The following CA13 variants were observed in gnomAD, a reference collection of about 807,000 sequenced individuals.
CA13 encodes the protein CA-XIII.
In CA13, 21 loss-of-function variants were observed where a neutral mutation model predicts 31.5. The observed-to-expected ratio is 0.67, with a 90% CI of 0.47 to 0.96. The LOEUF (loss-of-function observed/expected upper bound fraction) is 0.96, where lower values mean the gene tolerates loss of function less well. Ranked by LOEUF, CA13 falls within the 40% of genes least tolerant of loss-of-function variation. The probability of loss-of-function intolerance (pLI) is 0.00; values close to 1 mark genes in which losing one functional copy is unlikely to be tolerated. For synonymous variants in CA13, 117 were observed against 111.4 expected (o/e 1.05, Z -0.32); for missense variants, 315 against 318.9 (o/e 0.99, Z 0.09).
rs757217485 is a variant in CA13, at chr8:85,259,479, G to A, written c.294G>A (p.Trp98Ter). Residue 98 changes from tryptophan to a stop codon, truncating the protein, a stop_gained, in exon 3 of 7, where the codon TGG becomes TGA. Transcript: ENST00000321764. LOFTEE classifies it high-confidence loss of function. ...GGTTACGGCAGGTTCACCTTCACTG[G>A]GGGTCCGCTGATGACCACGGCTCCG... ...SYRLRQVHLH[W>*]GSADDHGSEH... The A allele has an allele frequency of 4.3e-6, 7 of 1,613,908 alleles. No homozygotes were observed. Among genetic ancestry groups the A allele is most frequent in the Non-Finnish European group, 2.5e-6 (3 of 1,179,984 alleles).
chr8:85,255,263 ATT>A (rs111718621), intron 2 of CA13, among the ~76,000 whole-genome samples: 29 of 139,728 alleles, frequency 2.1e-4, no homozygotes, highest in Admixed American at 2.9e-4. Flanking sequence ...TAGCTCATGA[ATT>A]TTTTTTTTTT....
chr8:85,269,764 G>T (rs1807503205), intron 6 of CA13, among the ~76,000 whole-genome samples: 1 of 152,168 alleles, frequency 6.6e-6, no homozygotes, highest in East Asian at 1.9e-4. Context: ...TGTGGAGTCG[G>T]TGCAACCATA....
At chr8:85,274,029 C>T (rs1057197412) in intron 6 of CA13, among the ~76,000 whole-genome samples, 2 of 151,948 alleles carry the variant, frequency 1.3e-5, no homozygotes, top group African/African-American at 4.8e-5. Flanking sequence ...GTCTTCCGGC[C>T]AGCTCTCTTC....
rs1266743190 is a variant in CA13, at chr8:85,260,130, CAAT to C, written c.354+594_354+596del. 2.0e-5 allele frequency among the ~76,000 whole-genome samples: 3 copies of C among 151,936 alleles called. No individual in the cohort carries two copies. In the East Asian group the frequency reaches 5.8e-4, roughly 29 times the overall value. ...TTCAGTTTATTGGTAAATCATAACA[CAAT>C]AAAGCATTCATTGAGTTGTTTCTAC... On this transcript the variant is annotated intron_variant, in intron 3 of 6. Coordinates refer to ENST00000321764, the MANE Select transcript of CA13 (RefSeq NM_198584.3).
chr8:85,259,378 A>G (rs1395496623), intron 2 of CA13, 43 bp from the exon 3 acceptor site: 8 of 1,510,534 alleles, frequency 5.3e-6, no homozygotes, highest in Non-Finnish European at 6.4e-6. Flanking sequence ...GCTTATGTAA[A>G]TATTTTTTCC....
intron 6 of CA13, among the ~76,000 whole-genome samples, chr8:85,277,657 G>A (rs1478837724): frequency 6.6e-6 from 1 of 152,158 alleles, no homozygotes; most frequent in African/African-American, 2.4e-5. Context: ...CTGAGAGCGC[G>A]CCAACAGCAC....
intron 6 of CA13, among the ~76,000 whole-genome samples, chr8:85,271,929 C>T (rs1341988033): frequency 3.3e-5 from 5 of 152,008 alleles, no homozygotes; most frequent in African/African-American, 4.8e-5. Context: ...ATTAGCCACG[C>T]ATGGTGGTGC....
intron 4 of CA13, among the ~76,000 whole-genome samples, chr8:85,266,995 C>A (rs1035742515): frequency 6.6e-6 from 1 of 152,178 alleles, no homozygotes. Flanking sequence ...CTGGGCTCTT[C>A]CTAATTGTAT....
intron 2 of CA13, among the ~76,000 whole-genome samples, chr8:85,257,651 G>A (rs1807318804): frequency 6.6e-6 from 1 of 151,358 alleles, no homozygotes; most frequent in African/African-American, 2.4e-5. Context: ...GATTAATTGA[G>A]GCTGCAAGTT....
intron 6 of CA13, among the ~76,000 whole-genome samples, chr8:85,272,545 T>C (rs1193170467): frequency 3.9e-5 from 6 of 152,172 alleles, no homozygotes; most frequent in African/African-American, 1.4e-4. Flanking sequence ...TAGTGACCCA[T>C]GGTACCTGAC....
chr8:85,278,341 C>T (rs563942191), intron 6 of CA13, among the ~76,000 whole-genome samples: 1 of 150,604 alleles, frequency 6.6e-6, no homozygotes, highest in South Asian at 2.1e-4. Context: ...GGGGTAGGGT[C>T]CAGGGATCTG....
At chr8:85,271,454 A>G (rs907664513) in intron 6 of CA13, among the ~76,000 whole-genome samples, 4 of 152,120 alleles carry the variant, frequency 2.6e-5, no homozygotes, top group Non-Finnish European at 5.9e-5. Flanking sequence ...AGAGTCACTC[A>G]TTGAGGACTA....
At chr8:85,268,797 C>G (rs1247423622) in intron 6 of CA13, among the ~76,000 whole-genome samples, 170 bp downstream of exon 6, 3 of 151,572 alleles carry the variant, frequency 2.0e-5, no homozygotes, top group African/African-American at 7.3e-5. Flanking sequence ...TCGTATTTGA[C>G]CTGTGATTAG....
intron 1 of CA13, among the ~76,000 whole-genome samples, chr8:85,247,200 C>T (rs1396263174): frequency 1.3e-5 from 2 of 152,102 alleles, no homozygotes; most frequent in African/African-American, 4.8e-5. Flanking sequence ...TCCCTCTCTG[C>T]TGAAGTCGTT....
chr8:85,276,017 G>A (rs1331063104), intron 6 of CA13, among the ~76,000 whole-genome samples: 1 of 152,216 alleles, frequency 6.6e-6, no homozygotes, highest in African/African-American at 2.4e-5. Context: ...TTTCTGGGCT[G>A]GCCAAGGCCG....
intron 6 of CA13, among the ~76,000 whole-genome samples, chr8:85,278,463 G>GAT: frequency 6.6e-6 from 1 of 152,082 alleles, no homozygotes; most frequent in Non-Finnish European, 1.5e-5. Context: ...CATCTAGGAA[G>GAT]GTTAGTTAGA....
At chr8:85,280,429 G>A (rs1182317184) in intron 6 of CA13, among the ~76,000 whole-genome samples, 1 of 152,152 alleles carries the variant, frequency 6.6e-6, no homozygotes, top group Admixed American at 6.5e-5. Context: ...CCCCGTCCTG[G>A]TTAGTACTGT....
chr8:85,250,826 GACTCT>G lies in CA13; in HGVS notation c.125_129del (p.Asp42ValfsTer6), dbSNP rs1401307218. The G allele has an allele frequency of 6.2e-7, 1 of 1,613,808 alleles. No homozygotes were observed. The highest frequency in any genetic ancestry group is 8.5e-7 in the Non-Finnish European group (1 of 1,179,800). On this transcript the variant is annotated frameshift_variant, in exon 2 of 7. Transcript: ENST00000321764. LOFTEE classifies it high-confidence loss of function. The stretch of plus-strand genomic sequence containing the variant: ...GATTAAAACCAAAGAAGTGAAATAT[GACTCT>G]TCCCTCCGACCACTTAGTATCAAGT...
In CA13 at chr8:85,245,803, T is replaced by G. The variant is rs770744227; in HGVS notation, c.-26T>G. On this transcript the variant is annotated 5_prime_UTR_variant, in exon 1 of 7. Coordinates refer to ENST00000321764, the MANE Select transcript of CA13 (RefSeq NM_198584.3). Reference sequence around the variant, plus strand: ...TCTTTCTCGCTGCTCAGTCACATCTTTCTCTTCCTTCCACCCCGAGGGACC... The same window carrying G: ...TCTTTCTCGCTGCTCAGTCACATCTGTCTCTTCCTTCCACCCCGAGGGACC... 2 of 1,613,658 alleles carry G rather than the reference T, an allele frequency of 1.2e-6. No individual in the cohort carries two copies. The highest frequency in any genetic ancestry group is 3.3e-5 in the Admixed American group (2 of 60,022).
Sources: allele counts gnomAD v4.1 joint callset (sites outside exome capture counted in the v4.1 genomes callset), GRCh38; gene constraint gnomAD v4.1.1; transcripts MANE v1.5; gene names NCBI Gene and HGNC (gene_info 2026-07-23, HGNC 2026-07-21).